The following TNFRSF10A variants were observed in gnomAD, a reference collection of about 807,000 sequenced individuals.
TNFRSF10A encodes the protein TNF receptor superfamily member 10a.
In TNFRSF10A, 44 loss-of-function variants were observed where a neutral mutation model predicts 42.8. The observed-to-expected ratio is 1.03, with a 90% confidence interval of 0.81 to 1.32. TNFRSF10A has a LOEUF of 1.32. Among genes scored for constraint, TNFRSF10A ranks in the 40% most tolerant of loss-of-function variants. The probability of loss-of-function intolerance (pLI) is 0.00; values close to 1 mark genes in which losing one functional copy is unlikely to be tolerated. For missense variants in TNFRSF10A, 680 were observed against 602.0 expected (o/e 1.13, Z -1.36); for synonymous variants, 259 against 234.2 (o/e 1.11, Z -0.97).
At chr8:23,207,834 G>A (rs944493506) in intron 2 of TNFRSF10A, among the ~76,000 whole-genome samples, 1 of 149,430 alleles carries the variant, frequency 6.7e-6, no homozygotes, top group African/African-American at 2.5e-5. Context: ...ACGTAGAACT[G>A]TAAGTTCAAT....
chr8:23,212,029 T>C (rs1801098964), intron 2 of TNFRSF10A, 87 bp downstream of exon 2: 5 of 1,175,228 alleles, frequency 4.3e-6, no homozygotes, highest in South Asian at 2.6e-5. Flanking sequence ...AGGAATGTTA[T>C]TGATGAATTT....
chr8:23,222,645 C>G (rs1043630915), intron 1 of TNFRSF10A, among the ~76,000 whole-genome samples: 5 of 152,162 alleles, frequency 3.3e-5, no homozygotes, highest in African/African-American at 9.7e-5. Flanking sequence ...TGGCAGAAGG[C>G]CTTGGTGTCT....
chr8:23,216,060 C>T (rs1444929038), intron 1 of TNFRSF10A, among the ~76,000 whole-genome samples: 1 of 152,108 alleles, frequency 6.6e-6, no homozygotes, highest in Non-Finnish European at 1.5e-5. Context: ...TCAGGTGAAT[C>T]GCCTGCCTCG....
At chr8:23,192,785 A>T (rs1453917387) in intron 9 of TNFRSF10A, among the ~76,000 whole-genome samples, 1 of 152,234 alleles carries the variant, frequency 6.6e-6, no homozygotes, top group Non-Finnish European at 1.5e-5. Context: ...ATTGTCCCAT[A>T]GAAAGGTTTT....
chr8:23,191,847 T>G lies in TNFRSF10A; in HGVS notation c.1254A>C (p.Lys418Asn), dbSNP rs749016937. Residue 418 changes from lysine (K) to asparagine (N), a missense_variant, in exon 10 of 10, where the codon AAA becomes AAC. Lys to Asn is a moderately conservative substitution (Grantham distance 94). Coordinates refer to ENST00000221132, the MANE Select transcript of TNFRSF10A (RefSeq NM_003844.4). ...LYAMLMKWVN[K>N]TGRNASIHTL... ...TGTGGATCGAGGCGTTCCGTCCAGT[T>G]TTGTTGACCCATTTCATCAGCATTG... 30 of 1,511,662 alleles carry G rather than the reference T, an allele frequency of 2.0e-5. 1 individual carries two copies. In the South Asian group the frequency reaches 3.4e-4, roughly 17 times the overall value. The allele number at this position is 1,511,662 out of a possible 1,614,324, so 93.6% of individuals were successfully genotyped here.
intron 2 of TNFRSF10A, among the ~76,000 whole-genome samples, chr8:23,209,309 A>C (rs1585284804): frequency 6.6e-6 from 1 of 152,364 alleles, no homozygotes; most frequent in East Asian, 1.9e-4. Flanking sequence ...GTGGAAGGGA[A>C]ATGTGGCATC....
intron 2 of TNFRSF10A, among the ~76,000 whole-genome samples, chr8:23,206,576 A>T (rs1801012523): frequency 6.6e-6 from 1 of 152,238 alleles, no homozygotes; most frequent in Non-Finnish European, 1.5e-5. Flanking sequence ...GCAGTAGGCT[A>T]TATCATCTAG....
At chr8:23,203,656 C>A (rs1800967324) in intron 2 of TNFRSF10A, among the ~76,000 whole-genome samples, 1 of 152,210 alleles carries the variant, frequency 6.6e-6, no homozygotes, top group African/African-American at 2.4e-5. Flanking sequence ...TCTTAGAAAA[C>A]CCAAACTGTG....
chr8:23,191,758 A>C lies in TNFRSF10A; in HGVS notation c.1343T>G (p.Leu448Trp), dbSNP rs746443958. The change falls in exon 10 of 10, where the codon TTG becomes TGG. Residue 448 changes from leucine to tryptophan, a missense_variant. Transcript: ENST00000221132. ...GTAGATGAACTTTCCAGAGTCCACC[A>C]AGAGGTCCTGAATCTTCTCTCTTGC... is the stretch of plus-strand genomic sequence containing the variant. ...RHAREKIQDL[L>W]VDSGKFIYLE... 1.2e-6 allele frequency: 2 copies of C among 1,614,192 alleles called. No homozygotes were observed. Among genetic ancestry groups the C allele is most frequent in the Admixed American group, 3.3e-5 (2 of 60,024 alleles).
At chr8:23,218,840 G>A (rs1331734985) in intron 1 of TNFRSF10A, among the ~76,000 whole-genome samples, 1 of 152,234 alleles carries the variant, frequency 6.6e-6, no homozygotes, top group African/African-American at 2.4e-5. Flanking sequence ...CAAAGACAAT[G>A]AGGGTTCCTG....
chr8:23,201,457 AC>A (rs1465089651), intron 4 of TNFRSF10A, among the ~76,000 whole-genome samples: 2 of 152,204 alleles, frequency 1.3e-5, no homozygotes, highest in African/African-American at 4.8e-5. Flanking sequence ...TGGATTCTAT[AC>A]CATTATTTTC....
At chr8:23,199,623 G>T (rs1250180576) in intron 7 of TNFRSF10A, among the ~76,000 whole-genome samples, 175 bp from the exon 8 acceptor site, 1 of 152,136 alleles carries the variant, frequency 6.6e-6, no homozygotes, top group Non-Finnish European at 1.5e-5. Context: ...TGGGCTTGGG[G>T]GCTCACCCCA....
chr8:23,223,870 T>A (rs1481821406), intron 1 of TNFRSF10A, among the ~76,000 whole-genome samples: 2 of 152,210 alleles, frequency 1.3e-5, no homozygotes, highest in Non-Finnish European at 2.9e-5. Flanking sequence ...GCCTGCCTCG[T>A]GGTGGTCAAT....
chr8:23,200,471 G>T (rs768589781), intron 6 of TNFRSF10A, 34 bp downstream of exon 6: 2 of 1,605,374 alleles, frequency 1.2e-6, no homozygotes, highest in Non-Finnish European at 1.7e-6. Context: ...AGGGCAGAGA[G>T]TGCCCAGAGC....
chr8:23,202,388 C>T (rs1800943868), intron 3 of TNFRSF10A, among the ~76,000 whole-genome samples: 1 of 152,252 alleles, frequency 6.6e-6, no homozygotes, highest in Non-Finnish European at 1.5e-5. Flanking sequence ...AAACTCAGCC[C>T]TGTCCACTCA....
rs20575 is a variant in TNFRSF10A at position 23,201,811 on chromosome 8, C to G, written c.626G>C (p.Arg209Thr). 0.49 allele frequency: 790,806 copies of G among 1,612,304 alleles called. 204,041 individuals are homozygous for G. Among genetic ancestry groups the G allele is most frequent in the East Asian group, 0.98 (44,052 of 44,884 alleles). ...AGCCCCTTGGCTGTTGTCTCACCCTCTGCTGCACTTCCGGCACATCTCAGC... is the reference window on the plus strand; with the variant it reads ...AGCCCCTTGGCTGTTGTCTCACCCTGTGCTGCACTTCCGGCACATCTCAGC... ...NSAEMCRKCSRGCPRGMVKVK... is the reference protein window; with the variant it reads ...NSAEMCRKCSTGCPRGMVKVK... The change falls in exon 4 of 10, where the codon AGA becomes ACA. Residue 209 changes from arginine (R) to threonine (T), a missense_variant. Arg to Thr is a moderately conservative substitution (Grantham distance 71). Transcript: ENST00000221132.
chr8:23,192,026 A>T lies in TNFRSF10A; in HGVS notation c.1088-13T>A. Reference sequence around the variant, plus strand: ...AACAGCATCAGAGCTGGGTGGAGAAAGCCACAGAGACAGCCAGATGAGTTG... The same window carrying T: ...AACAGCATCAGAGCTGGGTGGAGAATGCCACAGAGACAGCCAGATGAGTTG... On this transcript the variant is annotated splice_polypyrimidine_tract_variant and intron_variant, in intron 9 of 9. Coordinates refer to ENST00000221132, the MANE Select transcript of TNFRSF10A (RefSeq NM_003844.4). 1 of 1,606,002 alleles carries T rather than the reference A, an allele frequency of 6.2e-7. No individual in the cohort carries two copies. Among genetic ancestry groups the T allele is most frequent in the Non-Finnish European group, 8.5e-7 (1 of 1,177,236 alleles).
intron 1 of TNFRSF10A, chr8:23,224,541 C>A (rs1801305817): frequency 3.4e-6 from 2 of 593,578 alleles, no homozygotes; most frequent in Non-Finnish European, 2.9e-6. Context: ...CAGCCTCCTG[C>A]GGGAGGGGGC....
intron 9 of TNFRSF10A, among the ~76,000 whole-genome samples, chr8:23,192,823 G>C (rs1800774674): frequency 6.6e-6 from 1 of 152,082 alleles, no homozygotes; most frequent in South Asian, 2.1e-4. Flanking sequence ...GACCCTTCTG[G>C]TCCTTAACGA....
Sources: gnomAD v4.1 joint callset for allele counts (sites outside exome capture counted in the v4.1 genomes callset) on GRCh38, gnomAD v4.1.1 for gene constraint, MANE v1.5 for transcripts, NCBI Gene and HGNC (gene_info 2026-07-23, HGNC 2026-07-21) for gene names.